METTL8: variants seen among roughly 807,000 people sequenced by gnomAD.
METTL8 encodes tRNA N(3)-cytidine methyltransferase METTL8, mitochondrial.
In METTL8, 32 loss-of-function variants were observed where a neutral mutation model predicts 48.7. The ratio of observed to expected loss-of-function variants is 0.66; its 90% CI spans 0.50 to 0.88. The LOEUF is 0.88. Among genes scored for constraint, METTL8 ranks in the 40% least tolerant of loss-of-function variants. The probability of loss-of-function intolerance (pLI) is 0.00; values close to 1 mark genes in which losing one functional copy is unlikely to be tolerated. For synonymous variants in METTL8, 136 were observed against 157.1 expected, an observed-to-expected ratio of 0.87 and a Z score of 1.01; for missense variants, 464 against 474.4, an observed-to-expected ratio of 0.98 and a Z score of 0.20.
intron 1 of METTL8, among the ~76,000 whole-genome samples, chr2:171,419,165 C>A (rs1691630595): frequency 6.6e-6 from 1 of 152,124 alleles, no homozygotes; most frequent in Admixed American, 6.5e-5. Flanking sequence ...ACAGCCATTT[C>A]TACAAAGAAT....
chr2:171,363,905 C>T (rs967258411), intron 2 of METTL8, among the ~76,000 whole-genome samples: 2 of 149,130 alleles, frequency 1.3e-5, no homozygotes, highest in Admixed American at 6.7e-5. Context: ...CTCCACCTCC[C>T]GTGTTCAAGC....
intron 1 of METTL8, among the ~76,000 whole-genome samples, chr2:171,426,673 G>C (rs544408226): frequency 5.1e-4 from 77 of 152,300 alleles, no homozygotes; most frequent in African/African-American, 1.8e-3. Flanking sequence ...AATATACTGT[G>C]TGTTCAGACA....
Position 171,315,842 on chromosome 2 carries a change from C to A in METTL8, c.*8330G>T, listed in dbSNP as rs1684239904. On this transcript the variant is annotated 3_prime_UTR_variant, in exon 10 of 10. Coordinates refer to ENST00000375258, the MANE Select transcript of METTL8 (RefSeq NM_001321154.2). ...TTACATGAAATAAGAAAATGTTCAA[C>A]TATGTAATAACCAAAGCTTCCTTAA... Among the ~76,000 whole-genome samples the A allele has an allele frequency of 6.6e-6, 1 of 152,196 alleles. No homozygotes were observed. The highest frequency in any genetic ancestry group is 6.5e-5 in the Admixed American group (1 of 15,284).
chr2:171,330,739 T>G, intron 6 of METTL8, 41 bp from the exon 7 acceptor site: 2 of 1,524,234 alleles, frequency 1.3e-6, no homozygotes, highest in Non-Finnish European at 8.8e-7. Flanking sequence ...GAGGACTTAG[T>G]AGACTTCCGG....
At chr2:171,350,503 A>G (rs549804758) in intron 3 of METTL8, among the ~76,000 whole-genome samples, 9 of 152,274 alleles carry the variant, frequency 5.9e-5, no homozygotes, top group Non-Finnish European at 1.0e-4. Flanking sequence ...GGGTCAAATG[A>G]TATTTCTAGT....
chr2:171,385,582 C>G (rs1303146209), intron 2 of METTL8, among the ~76,000 whole-genome samples: 1 of 152,208 alleles, frequency 6.6e-6, no homozygotes, highest in African/African-American at 2.4e-5. Context: ...TATTGCTGCT[C>G]TTACAGTATG....
At chr2:171,425,188 C>A (rs1021423660) in intron 1 of METTL8, among the ~76,000 whole-genome samples, 1 of 152,136 alleles carries the variant, frequency 6.6e-6, no homozygotes, top group South Asian at 2.1e-4. Context: ...AAACCTCTTC[C>A]CTTTATAAAT....
At chr2:171,377,920 A>G (rs1687138456) in intron 2 of METTL8, among the ~76,000 whole-genome samples, 1 of 152,224 alleles carries the variant, frequency 6.6e-6, no homozygotes, top group Non-Finnish European at 1.5e-5. Flanking sequence ...GAAAAAAACA[A>G]AACAAAACAA....
At position 171,317,218 on chromosome 2, in the gene METTL8, T is replaced by C. The variant is rs938351731; in HGVS notation, c.*6954A>G. On this transcript the variant is annotated 3_prime_UTR_variant, in exon 10 of 10. Transcript: ENST00000375258. Reference sequence around the variant, plus strand: ...AAGGGTGACTGTCCTCCAGTGTTTTTTGAAACAACCAACACTTGATATATA... The same window carrying C: ...AAGGGTGACTGTCCTCCAGTGTTTTCTGAAACAACCAACACTTGATATATA... Among the ~76,000 whole-genome samples the C allele has an allele frequency of 1.3e-5, 2 of 152,202 alleles. No homozygotes were observed. The highest frequency in any genetic ancestry group is 2.9e-5 in the Non-Finnish European group (2 of 68,032).
At position 171,392,523 on chromosome 2, in the gene METTL8, A is replaced by AT. The variant is rs200716750; in HGVS notation, c.-12-327dup. ...GTCTGAATTTGTGTACTAAAGACAGATTTTTTTTAAAGTAATTTTATTTTT... is the reference window on the plus strand; with the variant it reads ...GTCTGAATTTGTGTACTAAAGACAGATTTTTTTTTAAAGTAATTTTATTTTT... On this transcript the variant is annotated intron_variant, in intron 1 of 9. Transcript: ENST00000375258. Among the ~76,000 whole-genome samples the AT allele has an allele frequency of 2.6e-3, 399 of 152,182 alleles. 5 individuals are homozygous for AT. The highest frequency in any genetic ancestry group is 0.015 in the East Asian group (77 of 5,188).
At chr2:171,381,811 C>T (rs1298760235) in intron 2 of METTL8, among the ~76,000 whole-genome samples, 2 of 132,856 alleles carry the variant, frequency 1.5e-5, no homozygotes, top group African/African-American at 2.9e-5. Flanking sequence ...GACATGGAGT[C>T]TTGCTCTGTA....
intron 3 of METTL8, among the ~76,000 whole-genome samples, chr2:171,349,247 G>A (rs1000143131): frequency 6.6e-5 from 10 of 152,146 alleles, no homozygotes; most frequent in African/African-American, 2.2e-4. Flanking sequence ...TTGGGTAAAA[G>A]TTCTAAATGA....
intron 2 of METTL8, among the ~76,000 whole-genome samples, chr2:171,371,489 T>C (rs542494826): frequency 3.3e-5 from 5 of 152,264 alleles, no homozygotes; most frequent in Admixed American, 3.3e-4. Flanking sequence ...CCTGAGTAGC[T>C]GGGATTACAG....
chr2:171,423,405 A>C (rs1227931537), intron 1 of METTL8, among the ~76,000 whole-genome samples: 1 of 152,220 alleles, frequency 6.6e-6, no homozygotes, highest in Non-Finnish European at 1.5e-5. Context: ...AAAGACAGGA[A>C]AATGTGAGAA....
intron 1 of METTL8, among the ~76,000 whole-genome samples, chr2:171,400,237 A>G (rs1187262579): frequency 6.6e-6 from 1 of 152,162 alleles, no homozygotes; most frequent in East Asian, 1.9e-4. Context: ...TTCCAGTCCA[A>G]GCAGTCTAAT....
chr2:171,334,767 T>C (rs1685909546), intron 5 of METTL8, among the ~76,000 whole-genome samples: 2 of 152,084 alleles, frequency 1.3e-5, no homozygotes, highest in Admixed American at 1.3e-4. Flanking sequence ...AACCAAGAGC[T>C]TGCAATTATA....
intron 1 of METTL8, among the ~76,000 whole-genome samples, chr2:171,416,913 CAG>C (rs755626387): frequency 1.3e-5 from 2 of 152,180 alleles, no homozygotes; most frequent in Non-Finnish European, 1.5e-5. Flanking sequence ...TGAATTTTAG[CAG>C]AGAGGTAAAA....
chr2:171,382,485 A>AT (rs1216094983), intron 2 of METTL8, among the ~76,000 whole-genome samples: 1 of 152,202 alleles, frequency 6.6e-6, no homozygotes, highest in Non-Finnish European at 1.5e-5. Flanking sequence ...GTTCTCACTC[A>AT]TAAGTAGGAG....
At chr2:171,395,244 T>C (rs1364424481) in intron 1 of METTL8, among the ~76,000 whole-genome samples, 1 of 151,954 alleles carries the variant, frequency 6.6e-6, no homozygotes, top group Admixed American at 6.6e-5. Context: ...CACAAAGAGG[T>C]ACAGTTTAAA....
Sources: allele counts gnomAD v4.1 joint callset (sites outside exome capture counted in the v4.1 genomes callset), GRCh38; gene constraint gnomAD v4.1.1; transcripts MANE v1.5; gene names NCBI Gene and HGNC (gene_info 2026-07-23, HGNC 2026-07-21).